Variants in SOHLH2 observed in about 807,000 individuals in gnomAD.
The protein encoded by SOHLH2 is spermatogenesis and oogenesis specific basic helix-loop-helix 2, also known as spermatogenesis- and oogenesis-specific basic helix-loop-helix-containing protein 2.
In SOHLH2, 22 loss-of-function variants were observed where a neutral mutation model predicts 50.4. The observed-to-expected ratio is 0.44, with a 90% CI of 0.31 to 0.62. The LOEUF (loss-of-function observed/expected upper bound fraction) is 0.62. Ranked by LOEUF, SOHLH2 falls within the 20% of genes least tolerant of loss-of-function variation. The probability of loss-of-function intolerance (pLI) is 0.08; values close to 1 mark genes in which losing one functional copy is unlikely to be tolerated. For synonymous variants in SOHLH2, 185 were observed against 187.3 expected (o/e 0.99, Z 0.10); for missense variants, 412 against 504.4 (o/e 0.82, Z 1.76).
rs185435957 is a variant in SOHLH2, at chr13:36,175,120, T to C, written c.642-251A>G. ...TGCCCAAGTGCACTGTGTGTGCCGA[T>C]GGCAGCCCCAGCTCTCTCACCTCAG... On this transcript the variant is annotated intron_variant, in intron 6 of 10. Coordinates refer to ENST00000379881, the MANE Select transcript of SOHLH2 (RefSeq NM_017826.3). Among the ~76,000 whole-genome samples, 198 of 152,352 alleles carry C rather than the reference T, an allele frequency of 1.3e-3. 1 individual carries two copies. The highest frequency in any genetic ancestry group is 2.9e-4 in the Non-Finnish European group (20 of 68,044).
At chr13:36,177,678 T>C (rs1287740975) in intron 6 of SOHLH2, among the ~76,000 whole-genome samples, 1 of 152,132 alleles carries the variant, frequency 6.6e-6, no homozygotes, top group Non-Finnish European at 1.5e-5. Flanking sequence ...TGTTGAGCAC[T>C]TTTTCCTGTG....
chr13:36,173,863 A>T, intron 8 of SOHLH2, 53 bp from the exon 9 acceptor site: 3 of 1,599,170 alleles, frequency 1.9e-6, no homozygotes, highest in Non-Finnish European at 2.6e-6. Flanking sequence ...AACAATGTGG[A>T]CACTGCTGAG....
intron 1 of SOHLH2, among the ~76,000 whole-genome samples, chr13:36,212,409 A>T (rs548823555): frequency 1.3e-5 from 2 of 152,198 alleles, no homozygotes; most frequent in Non-Finnish European, 2.9e-5. Context: ...ACTCAAATTA[A>T]CAGAATAGTT....
intron 2 of SOHLH2, among the ~76,000 whole-genome samples, chr13:36,201,381 C>T (rs934229864): frequency 2.6e-5 from 4 of 152,070 alleles, no homozygotes; most frequent in Non-Finnish European, 5.9e-5. Flanking sequence ...CTAATCCGTA[C>T]CTATTTTCAA....
At position 36,173,650 on chromosome 13, in the gene SOHLH2, C is replaced by T. The variant is rs754399882; in HGVS notation, c.1000+42G>A. ...GAGCCTGGGGGTTTGCAGGGCAGGG[C>T]AGGTCCCCCTCTAAGTGGCACAGAT... On this transcript the variant is annotated intron_variant, in intron 9 of 10. Coordinates refer to ENST00000379881, the MANE Select transcript of SOHLH2 (RefSeq NM_017826.3). 1.1e-5 allele frequency: 18 copies of T among 1,609,498 alleles called. No individual in the cohort carries two copies. The Admixed American group carries it at 2.3e-4, about 21-fold the overall frequency.
chr13:36,171,760 C>T (rs912791876), intron 9 of SOHLH2, among the ~76,000 whole-genome samples: 4 of 152,008 alleles, frequency 2.6e-5, no homozygotes, highest in Non-Finnish European at 2.9e-5. Flanking sequence ...CTAAATGTAG[C>T]GACTGGAAAA....
At chr13:36,191,308 C>T (rs146775109) in intron 5 of SOHLH2, among the ~76,000 whole-genome samples, 13 of 152,110 alleles carry the variant, frequency 8.5e-5, no homozygotes, top group South Asian at 4.2e-4. Flanking sequence ...ACATGAGGTA[C>T]GTAAAAGATA....
chr13:36,170,604 G>A lies in SOHLH2; in HGVS notation c.1184C>T (p.Pro395Leu), dbSNP rs193042361. The change falls in exon 10 of 11, where the codon CCG (proline) becomes CTG (leucine). Residue 395 changes from proline to leucine, a missense_variant. Physicochemically the swap from Pro to Leu is moderately conservative, Grantham distance 98 (BLOSUM62 -3). Transcript: ENST00000379881. ...GTGCCGAGGGAGAAGCTTTGAGACC[G>A]GGGGCATGGCTGAAGGTAAATGAAT... ...ISIHLPSAMP[P>L]VSKLLPRHCT... is the part of the protein sequence containing the mutation. The A allele has an allele frequency of 1.7e-5, 27 of 1,614,122 alleles. No homozygotes were observed. The highest frequency in any genetic ancestry group is 1.7e-4 in the Middle Eastern group (1 of 6,060).
At chr13:36,214,183 T>C (rs1593967664) in intron 1 of SOHLH2, among the ~76,000 whole-genome samples, 1 of 152,284 alleles carries the variant, frequency 6.6e-6, no homozygotes, top group East Asian at 1.9e-4. Context: ...TTCAGTTCTC[T>C]TTCTTCCTTG....
chr13:36,181,838 T>C (rs1037102860), intron 6 of SOHLH2, among the ~76,000 whole-genome samples: 2 of 152,178 alleles, frequency 1.3e-5, no homozygotes, highest in Admixed American at 6.5e-5. Context: ...AGAATTTCCT[T>C]CAGCTTTCTT....
chr13:36,200,779 GGT>G (rs1424131924), intron 2 of SOHLH2, among the ~76,000 whole-genome samples: 6 of 152,080 alleles, frequency 3.9e-5, no homozygotes, highest in African/African-American at 1.4e-4. Context: ...GGCTAGGCAT[GGT>G]GGCTCACCCC....
intron 9 of SOHLH2, among the ~76,000 whole-genome samples, chr13:36,171,507 A>C (rs896889732): frequency 2.6e-5 from 4 of 152,176 alleles, no homozygotes; most frequent in African/African-American, 9.7e-5. Flanking sequence ...AATTTGGAAG[A>C]CTTAACTGAT....
chr13:36,201,011 T>G (rs1887885218), intron 2 of SOHLH2, among the ~76,000 whole-genome samples: 1 of 129,206 alleles, frequency 7.7e-6, no homozygotes, highest in Non-Finnish European at 1.5e-5. Flanking sequence ...ATGGCGCCAC[T>G]GCACTCCAGC....
chr13:36,211,977 C>A (rs1253789319), intron 1 of SOHLH2, among the ~76,000 whole-genome samples: 1 of 152,180 alleles, frequency 6.6e-6, no homozygotes, highest in Non-Finnish European at 1.5e-5. Flanking sequence ...TAGCTTGAGC[C>A]TTTCCCTAGC....
intron 6 of SOHLH2, among the ~76,000 whole-genome samples, chr13:36,189,486 A>G (rs947656228): frequency 1.3e-5 from 2 of 152,218 alleles, no homozygotes; most frequent in South Asian, 2.1e-4. Flanking sequence ...TTCCCTCCAT[A>G]TAAAATACCC....
At chr13:36,189,717 G>C (rs754943818) in intron 6 of SOHLH2, among the ~76,000 whole-genome samples, 4 of 152,158 alleles carry the variant, frequency 2.6e-5, no homozygotes, top group Admixed American at 2.0e-4. Context: ...CACCTTTGAA[G>C]GCAGGGACTT....
intron 9 of SOHLH2, among the ~76,000 whole-genome samples, chr13:36,171,046 T>G (rs1352516585): frequency 1.3e-5 from 2 of 152,194 alleles, no homozygotes; most frequent in Non-Finnish European, 2.9e-5. Context: ...TGCCTTCTGA[T>G]GTATGTGAAT....
chr13:36,176,649 CAA>C (rs1887103817), intron 6 of SOHLH2, among the ~76,000 whole-genome samples: 1 of 151,986 alleles, frequency 6.6e-6, no homozygotes, highest in South Asian at 2.1e-4. Flanking sequence ...GTACCTGAAA[CAA>C]AGTTTGTACA....
intron 6 of SOHLH2, 120 bp from the exon 7 acceptor site, chr13:36,174,989 T>A: frequency 1.5e-6 from 2 of 1,352,376 alleles, no homozygotes; most frequent in South Asian, 3.6e-5. Context: ...CCCTATATAG[T>A]CTCCATTTCA....
Sources: allele counts gnomAD v4.1 joint callset (sites outside exome capture counted in the v4.1 genomes callset), GRCh38; gene constraint gnomAD v4.1.1; transcripts MANE v1.5; gene names NCBI Gene and HGNC (gene_info 2026-07-23, HGNC 2026-07-21).